NDUFAF2: variants seen among roughly 807,000 people sequenced by gnomAD.
NDUFAF2 encodes NADH dehydrogenase [ubiquinone] 1 alpha subcomplex assembly factor 2.
In NDUFAF2, 13 loss-of-function variants were observed where a neutral mutation model predicts 22.8. The observed-to-expected ratio is 0.57, with a 90% CI of 0.37 to 0.91. NDUFAF2 has a LOEUF of 0.91. Among genes scored for constraint, NDUFAF2 ranks in the 40% least tolerant of loss-of-function variants. The pLI, the probability that NDUFAF2 is intolerant of heterozygous loss-of-function variation, is 0.01. For synonymous variants in NDUFAF2, 53 were observed against 64.2 expected (o/e 0.83, Z 0.84); for missense variants, 162 against 195.2 (o/e 0.83, Z 1.01).
At chr5:61,048,948 G>T (rs530732899) in intron 1 of NDUFAF2, among the ~76,000 whole-genome samples, 2 of 152,054 alleles carry the variant, frequency 1.3e-5, no homozygotes, top group Non-Finnish European at 2.9e-5. Flanking sequence ...GTTATGTCTC[G>T]TTGTTTTTGA....
intron 1 of NDUFAF2, among the ~76,000 whole-genome samples, chr5:61,026,060 A>G (rs558650257): frequency 6.6e-6 from 1 of 152,206 alleles, no homozygotes; most frequent in South Asian, 2.1e-4. Context: ...TTTTGCTGCA[A>G]CTGAAATTCA....
intron 1 of NDUFAF2, among the ~76,000 whole-genome samples, chr5:60,982,961 T>C (rs1751008006): frequency 6.6e-6 from 1 of 152,014 alleles, no homozygotes; most frequent in African/African-American, 2.4e-5. Context: ...TCTAGATTCC[T>C]GAGGAATCGC....
chr5:60,968,163 T>C (rs1345420148), intron 1 of NDUFAF2, among the ~76,000 whole-genome samples: 1 of 151,918 alleles, frequency 6.6e-6, no homozygotes, highest in Non-Finnish European at 1.5e-5. Flanking sequence ...TCCTTTGTGT[T>C]TCTTTCTGTA....
Position 61,057,264 on chromosome 5 carries a change from G to A in NDUFAF2, c.128-15861G>A, listed in dbSNP as rs144201909. Among the ~76,000 whole-genome samples, 215 of 152,154 alleles carry A rather than the reference G, an allele frequency of 1.4e-3. 1 individual carries two copies. The highest frequency in any genetic ancestry group is 5.0e-3 in the African/African-American group (207 of 41,494). ...ACACTGGAAGCAAGCCTTAAATCAAGTTCTAGCTTTAAATCATAGATTCAC... is the reference window on the plus strand; with the variant it reads ...ACACTGGAAGCAAGCCTTAAATCAAATTCTAGCTTTAAATCATAGATTCAC... On this transcript the variant is annotated intron_variant, in intron 1 of 3. Transcript: ENST00000296597.
intron 1 of NDUFAF2, among the ~76,000 whole-genome samples, chr5:61,035,404 C>T (rs1751785706): frequency 7.3e-6 from 1 of 136,194 alleles, no homozygotes; most frequent in African/African-American, 2.8e-5. Flanking sequence ...AATAAGACAA[C>T]TCTCTTTCTC....
intron 3 of NDUFAF2, among the ~76,000 whole-genome samples, chr5:61,144,757 G>T (rs1039755486): frequency 3.3e-5 from 5 of 152,140 alleles, no homozygotes; most frequent in Non-Finnish European, 7.4e-5. Flanking sequence ...TCAGCTCTTA[G>T]CCTTCCCTCA....
intron 3 of NDUFAF2, among the ~76,000 whole-genome samples, chr5:61,139,687 C>T (rs181246674): frequency 1.6e-4 from 24 of 152,360 alleles, no homozygotes; most frequent in African/African-American, 5.5e-4. Context: ...TGAAACCCCA[C>T]CTTCAAGCCA....
chr5:61,042,987 A>G (rs1224811657), intron 1 of NDUFAF2, among the ~76,000 whole-genome samples: 1 of 152,214 alleles, frequency 6.6e-6, no homozygotes, highest in Non-Finnish European at 1.5e-5. Context: ...TGGGAGGCCA[A>G]GGCAGGCGGA....
rs115488357 is a variant in NDUFAF2 at position 61,066,750 on chromosome 5, T to G, written c.128-6375T>G. Among the ~76,000 whole-genome samples, 682 of 152,308 alleles carry G rather than the reference T, an allele frequency of 4.5e-3. 12 individuals are homozygous for G. The highest frequency in any genetic ancestry group is 0.015 in the African/African-American group (643 of 41,568). ...TACCAAATATAGTCTAAATGGTATG[T>G]AAATAGTTGTTATACTGTATTTTTT... On this transcript the variant is annotated intron_variant, in intron 1 of 3. Coordinates refer to ENST00000296597, the MANE Select transcript of NDUFAF2 (RefSeq NM_174889.5).
chr5:61,010,946 G>A (rs1363966124), intron 1 of NDUFAF2, among the ~76,000 whole-genome samples: 1 of 151,876 alleles, frequency 6.6e-6, no homozygotes, highest in East Asian at 1.9e-4. Flanking sequence ...CTGGCCTTTT[G>A]GCTGGCCTTT....
intron 1 of NDUFAF2, among the ~76,000 whole-genome samples, chr5:61,013,826 G>C (rs1751472439): frequency 6.6e-6 from 1 of 152,100 alleles, no homozygotes; most frequent in Non-Finnish European, 1.5e-5. Flanking sequence ...AATATACTAG[G>C]AAATTCCTGA....
chr5:61,079,416 G>A (rs780932762), intron 2 of NDUFAF2, among the ~76,000 whole-genome samples: 1 of 152,046 alleles, frequency 6.6e-6, no homozygotes, highest in African/African-American at 2.4e-5. Context: ...TTTGGCAAAG[G>A]GATTTACCTC....
At chr5:61,049,539 C>A (rs574063906) in intron 1 of NDUFAF2, among the ~76,000 whole-genome samples, 1 of 152,218 alleles carries the variant, frequency 6.6e-6, no homozygotes, top group South Asian at 2.1e-4. Flanking sequence ...TTCAACCAAT[C>A]TCCAGAACTC....
intron 1 of NDUFAF2, among the ~76,000 whole-genome samples, chr5:61,029,350 G>A (rs947282080): frequency 1.3e-5 from 2 of 152,056 alleles, no homozygotes; most frequent in Non-Finnish European, 2.9e-5. Flanking sequence ...TGAATTACTC[G>A]TGCAATTGAT....
chr5:61,122,396 T>G (rs1476566885), intron 3 of NDUFAF2, among the ~76,000 whole-genome samples: 3 of 152,222 alleles, frequency 2.0e-5, no homozygotes, highest in Non-Finnish European at 4.4e-5. Flanking sequence ...CAAAATATGA[T>G]AGGTGCTGTT....
chr5:61,071,997 T>C (rs990883100), intron 1 of NDUFAF2, among the ~76,000 whole-genome samples: 4 of 152,238 alleles, frequency 2.6e-5, no homozygotes, highest in African/African-American at 9.6e-5. Flanking sequence ...TTGAGAAATA[T>C]AAGCATTAGG....
At chr5:61,107,066 C>CACACACACACAA (rs1345848149) in intron 3 of NDUFAF2, among the ~76,000 whole-genome samples, 1 of 149,702 alleles carries the variant, frequency 6.7e-6, no homozygotes, top group Admixed American at 6.6e-5. Flanking sequence ...CACACACACA[C>CACACACACACAA]ACACACACAC....
intron 3 of NDUFAF2, among the ~76,000 whole-genome samples, chr5:61,141,268 G>T (rs1240786080): frequency 6.6e-6 from 1 of 151,714 alleles, no homozygotes; most frequent in Non-Finnish European, 1.5e-5. Context: ...TAATAATTGG[G>T]ACACTAGCTT....
intron 1 of NDUFAF2, among the ~76,000 whole-genome samples, chr5:60,982,802 T>A (rs1751004780): frequency 6.6e-6 from 1 of 152,072 alleles, no homozygotes; most frequent in African/African-American, 2.4e-5. Flanking sequence ...TCTATCATTG[T>A]TGGACATTTG....
Sources: allele counts gnomAD v4.1 joint callset (sites outside exome capture counted in the v4.1 genomes callset), GRCh38; gene constraint gnomAD v4.1.1; transcripts MANE v1.5; gene names NCBI Gene and HGNC (gene_info 2026-07-23, HGNC 2026-07-21).